The following DIP2C variants were observed in gnomAD, a reference collection of about 807,000 sequenced individuals.
DIP2C encodes DIP2 acetate--CoA ligase C (putative), also known as disco-interacting protein 2 homolog C.
In DIP2C, 33 loss-of-function variants were observed where a neutral mutation model predicts 192.4. That is an observed-to-expected ratio of 0.17 (90% CI 0.13 to 0.23). DIP2C has a LOEUF of 0.23. Among genes scored for constraint, DIP2C ranks in the 10% least tolerant of loss-of-function variants. The pLI is 1.00. For missense variants in DIP2C, 1,537 were observed against 2,110.1 expected, an observed-to-expected ratio of 0.73 and a Z score of 5.32; for synonymous variants, 979 against 864.1, an observed-to-expected ratio of 1.13 and a Z score of -2.33.
At chr10:488,563 C>T (rs1844186345) in intron 1 of DIP2C, among the ~76,000 whole-genome samples, 1 of 152,200 alleles carries the variant, frequency 6.6e-6, no homozygotes, top group Non-Finnish European at 1.5e-5. Flanking sequence ...CCAGAGGCCG[C>T]AGCCCTGGCT....
intron 1 of DIP2C, among the ~76,000 whole-genome samples, chr10:495,925 G>C (rs925683087): frequency 2.7e-5 from 4 of 150,412 alleles, no homozygotes; most frequent in African/African-American, 9.8e-5. Context: ...TGAGTGCTGA[G>C]TACACAGAAC....
intron 2 of DIP2C, among the ~76,000 whole-genome samples, chr10:485,979 G>A (rs747752533): frequency 1.3e-5 from 2 of 152,190 alleles, no homozygotes; most frequent in Non-Finnish European, 2.9e-5. Flanking sequence ...GAAACCGACT[G>A]CCCTTCTCAA....
At chr10:314,443 T>C (rs565600784) in intron 31 of DIP2C, among the ~76,000 whole-genome samples, 5 of 152,262 alleles carry the variant, frequency 3.3e-5, no homozygotes, top group African/African-American at 1.2e-4. Context: ...CCCTCCCCGG[T>C]CTCGTCACCG....
chr10:549,810 G>T (rs1384359065), intron 1 of DIP2C, among the ~76,000 whole-genome samples: 1 of 152,108 alleles, frequency 6.6e-6, no homozygotes, highest in Admixed American at 6.5e-5. Context: ...AGTAACACTA[G>T]TCACTAATTC....
At chr10:295,735 G>A (rs1174596648) in intron 32 of DIP2C, among the ~76,000 whole-genome samples, 1 of 151,894 alleles carries the variant, frequency 6.6e-6, no homozygotes, top group African/African-American at 2.4e-5. Context: ...ATGGAGAGCA[G>A]TATGAAGGCT....
intron 1 of DIP2C, among the ~76,000 whole-genome samples, chr10:559,452 G>A (rs1221597567): frequency 2.0e-5 from 3 of 152,116 alleles, no homozygotes; most frequent in African/African-American, 7.3e-5. Flanking sequence ...TAAAAGCCCA[G>A]GGCCTGGACT....
At chr10:496,976 T>C (rs755801400) in intron 1 of DIP2C, among the ~76,000 whole-genome samples, 1 of 152,112 alleles carries the variant, frequency 6.6e-6, no homozygotes, top group Non-Finnish European at 1.5e-5. Flanking sequence ...TACAAAAAGT[T>C]AGCCAGGTGT....
At position 556,927 on chromosome 10, in the gene DIP2C, C is replaced by T. The variant is rs563036457; in HGVS notation, c.86-70397G>A. 1.2e-4 allele frequency among the ~76,000 whole-genome samples: 19 copies of T among 152,064 alleles called. 1 individual carries two copies. The highest frequency in any genetic ancestry group is 3.9e-4 in the African/African-American group (16 of 41,420). ...CCCATCAAACCTACATGCACTCTCT[C>T]CTCTCTCTCTCCAGCTCACAGCCAG... On this transcript the variant is annotated intron_variant, in intron 1 of 36. Transcript: ENST00000280886.
intron 1 of DIP2C, among the ~76,000 whole-genome samples, chr10:653,341 G>A (rs760818173): frequency 7.9e-5 from 12 of 152,076 alleles, no homozygotes; most frequent in East Asian, 1.9e-4. Flanking sequence ...CCAGCTACTC[G>A]GGAGGCTGAG....
chr10:612,247 A>G lies in DIP2C; in HGVS notation c.85+77247T>C, dbSNP rs189972894. Among the ~76,000 whole-genome samples, 1,073 of 151,956 alleles carry G rather than the reference A, an allele frequency of 7.1e-3. 10 individuals are homozygous for G. The highest frequency in any genetic ancestry group is 0.018 in the African/African-American group (759 of 41,434). On this transcript the variant is annotated intron_variant, in intron 1 of 36. Transcript: ENST00000280886. ...GGCGAGGTTGCAGTGAGCCAAGGTC[A>G]CACCACTGCGCTCCAGCCTGGGCAA...
In DIP2C at chr10:288,345, C is replaced by T. The variant is rs2132180140; in HGVS notation, c.4044+19G>A. 6.2e-7 allele frequency: 1 copy of T among 1,610,948 alleles called. No homozygotes were observed. The highest frequency in any genetic ancestry group is 8.5e-7 in the Non-Finnish European group (1 of 1,178,052). ...AGCGAACGGATACAGAAATGCGTGC[C>T]TCTTCCTATAATACTTACCTTTCCC... On this transcript the variant is annotated intron_variant, in intron 33 of 36. Transcript: ENST00000280886.
chr10:587,601 C>G (rs1295184194), intron 1 of DIP2C, among the ~76,000 whole-genome samples: 8 of 152,014 alleles, frequency 5.3e-5, no homozygotes, highest in Admixed American at 2.6e-4. Context: ...CACATCCACA[C>G]CAGGCACTGC....
At chr10:380,395 A>ACGCGCAGAAGAGGC (rs1564638947) in intron 17 of DIP2C, among the ~76,000 whole-genome samples, 17 of 151,364 alleles carry the variant, frequency 1.1e-4, no homozygotes, top group East Asian at 3.9e-4. Context: ...ATGATGGTTA[A>ACGCGCAGAAGAGGC]TGCGCAGAAG....
chr10:561,765 G>C (rs1002391643), intron 1 of DIP2C, among the ~76,000 whole-genome samples: 2 of 145,746 alleles, frequency 1.4e-5, no homozygotes, highest in African/African-American at 2.8e-5. Context: ...ATTCCAGAGA[G>C]AGCAGGTGCC....
rs769856508 is a variant in DIP2C at position 390,020 on chromosome 10, G to C, written c.1568C>G (p.Ala523Gly). 19 of 1,614,022 alleles carry C rather than the reference G, an allele frequency of 1.2e-5. No individual in the cohort carries two copies. Among genetic ancestry groups the C allele is most frequent in the Non-Finnish European group, 1.4e-5 (17 of 1,179,944 alleles). Residue 523 changes from alanine to glycine, a missense_variant, in exon 13 of 37, where the codon GCC (alanine) becomes GGC (glycine). Ala to Gly is a moderately conservative substitution (Grantham distance 60). This residue lies in a region of DIP2C where 677 missense variants were observed against 989.9 expected (regional missense o/e 0.68). Coordinates refer to ENST00000280886, the MANE Select transcript of DIP2C (RefSeq NM_014974.3). ...CGTGTAGCCACACGCCTGCGTCAGGGCCTGGCAGTGTGTCAGCAGCGCAGT... is the reference window on the plus strand; with the variant it reads ...CGTGTAGCCACACGCCTGCGTCAGGCCCTGGCAGTGTGTCAGCAGCGCAGT... ...TRTALLTHCQ[A>G]LTQACGYTEA...
chr10:580,263 T>C (rs547853839), intron 1 of DIP2C, among the ~76,000 whole-genome samples: 4 of 152,286 alleles, frequency 2.6e-5, no homozygotes, highest in African/African-American at 9.6e-5. Flanking sequence ...TATGTACATA[T>C]GCAGTACATA....
intron 1 of DIP2C, among the ~76,000 whole-genome samples, chr10:604,097 C>G (rs1252246167): frequency 6.6e-6 from 1 of 151,030 alleles, no homozygotes; most frequent in East Asian, 1.9e-4. Context: ...GGCAGACCCT[C>G]GTACTCCCTC....
intron 1 of DIP2C, among the ~76,000 whole-genome samples, chr10:512,922 G>GGAAAA (rs1347155013): frequency 2.2e-5 from 2 of 92,208 alleles, no homozygotes; most frequent in African/African-American, 4.4e-5. Context: ...CCCACTTCAG[G>GGAAAA]AAAAAAAAAA....
intron 1 of DIP2C, among the ~76,000 whole-genome samples, chr10:531,855 A>C (rs1317801723): frequency 6.6e-6 from 1 of 152,260 alleles, no homozygotes; most frequent in East Asian, 1.9e-4. Context: ...CAACGCTTGC[A>C]ACTCCAGCAC....
Sources: allele counts gnomAD v4.1 joint callset (sites outside exome capture counted in the v4.1 genomes callset), GRCh38; gene constraint gnomAD v4.1.1; regional missense constraint gnomAD v4.1.1; transcripts MANE v1.5; gene names NCBI Gene and HGNC (gene_info 2026-07-23, HGNC 2026-07-21).